The following CAPN8 variants were observed in gnomAD, a reference collection of about 807,000 sequenced individuals.
CAPN8 encodes calpain 8, also known as calpain-8.
In CAPN8, 87 loss-of-function variants were observed where a neutral mutation model predicts 80.9. That is an observed-to-expected ratio of 1.07 (90% CI 0.90 to 1.28). CAPN8 has a LOEUF of 1.28. Ranked by LOEUF, CAPN8 falls within the 50% of genes most tolerant of loss-of-function variation. The pLI is 0.00. For synonymous variants in CAPN8, 299 were observed against 273.8 expected (o/e 1.09, Z -0.91); for missense variants, 757 against 702.0 (o/e 1.08, Z -0.89).
intron 5 of CAPN8, among the ~76,000 whole-genome samples, chr1:223,626,623 A>T (rs1433577070): frequency 2.6e-5 from 4 of 152,186 alleles, no homozygotes; most frequent in African/African-American, 9.6e-5. Flanking sequence ...ATCATCAATC[A>T]TCACATTTGT....
At chr1:223,644,624 C>A (rs1558353725) in intron 2 of CAPN8, among the ~76,000 whole-genome samples, 2 of 152,094 alleles carry the variant, frequency 1.3e-5, no homozygotes, top group African/African-American at 2.4e-5. Flanking sequence ...GTAAAGAAAC[C>A]AGAGCAGGGT....
intron 7 of CAPN8, 152 bp downstream of exon 7, chr1:223,622,663 C>A (rs750264867): frequency 3.1e-6 from 2 of 638,366 alleles, no homozygotes; most frequent in East Asian, 5.6e-5. Context: ...CAGCCTGGAT[C>A]CATTTAATAC....
chr1:223,612,512 T>C (rs1657057701), intron 10 of CAPN8, among the ~76,000 whole-genome samples: 2 of 152,076 alleles, frequency 1.3e-5, no homozygotes, highest in African/African-American at 4.8e-5. Context: ...TTTCTTATTT[T>C]CTAGTTGTAG....
At chr1:223,558,690 A>C (rs1159272950) in intron 12 of CAPN8, among the ~76,000 whole-genome samples, 1 of 151,422 alleles carries the variant, frequency 6.6e-6, no homozygotes, top group Non-Finnish European at 1.5e-5. Context: ...CGGTATGTAC[A>C]TGGTGTGTGT....
intron 13 of CAPN8, among the ~76,000 whole-genome samples, chr1:223,557,577 T>G (rs1372957027): frequency 6.6e-6 from 1 of 151,982 alleles, no homozygotes; most frequent in Non-Finnish European, 1.5e-5. Context: ...ATAAAGGGAG[T>G]GAGGTGGTGA....
intron 2 of CAPN8, among the ~76,000 whole-genome samples, chr1:223,630,239 CCTCT>C (rs373121003): frequency 1.3e-5 from 2 of 150,760 alleles, no homozygotes; most frequent in African/African-American, 2.4e-5. Flanking sequence ...TTAATTAATT[CCTCT>C]CTCTCTCTCT....
At chr1:223,544,303 C>A in intron 18 of CAPN8, 120 bp from the exon 19 acceptor site, 1 of 637,648 alleles carries the variant, frequency 1.6e-6, no homozygotes, top group South Asian at 1.8e-5. Flanking sequence ...ATCTGCAAAC[C>A]AGGCCTGACT....
chr1:223,665,109 C>A (rs1658749309), intron 1 of CAPN8, among the ~76,000 whole-genome samples: 1 of 151,686 alleles, frequency 6.6e-6, no homozygotes. Flanking sequence ...CAAAATTAGC[C>A]AGACATGGTG....
intron 1 of CAPN8, among the ~76,000 whole-genome samples, chr1:223,657,038 A>C (rs2102738178): frequency 6.6e-6 from 1 of 152,284 alleles, no homozygotes; most frequent in East Asian, 1.9e-4. Context: ...GGACATAGAG[A>C]GCTTTGTAAC....
chr1:223,541,733 C>CGGTT lies in CAPN8; in HGVS notation c.*102_*103insAACC, dbSNP rs1656467190. The stretch of plus-strand genomic sequence containing the variant: ...CCAGGGCAAGAAAGGTATGAACAAC[C>CGGTT]AGTGAATGCCACTGGAGCATAAATG... On this transcript the variant is annotated 3_prime_UTR_variant, in exon 21 of 21. Coordinates refer to ENST00000366872, the MANE Select transcript of CAPN8 (RefSeq NM_001143962.2). 6.6e-7 allele frequency: 1 copy of CGGTT among 1,526,320 alleles called. No homozygotes were observed. The allele number at this position is 1,526,320 out of a possible 1,614,324, so 94.5% of individuals were successfully genotyped here. A position where few individuals can be genotyped will look rare whatever the true frequency, so the allele number is the denominator to read the frequency against.
intron 11 of CAPN8, 84 bp from the exon 12 acceptor site, chr1:223,609,448 T>C (rs1326492041): frequency 2.5e-6 from 1 of 398,100 alleles, no homozygotes; most frequent in Non-Finnish European, 4.4e-6. Flanking sequence ...TGTGCTGATT[T>C]AGGAATTATT....
intron 10 of CAPN8, among the ~76,000 whole-genome samples, chr1:223,613,863 T>C (rs34486763): frequency 0.76 from 116,005 of 152,194 alleles, 45,338 homozygotes; most frequent in African/African-American, 0.94. Context: ...CCCAGCTACT[T>C]CTGATACCCT....
intron 2 of CAPN8, among the ~76,000 whole-genome samples, chr1:223,630,284 C>G (rs1657735714): frequency 7.0e-6 from 1 of 142,856 alleles, no homozygotes; most frequent in Non-Finnish European, 1.5e-5. Context: ...GTCTCTCTCT[C>G]TCTCCCGCTC....
intron 2 of CAPN8, among the ~76,000 whole-genome samples, chr1:223,637,951 T>C (rs1657947183): frequency 6.6e-6 from 1 of 152,348 alleles, no homozygotes; most frequent in Admixed American, 6.5e-5. Flanking sequence ...CAAGATCATC[T>C]GATACTGAGC....
At position 223,627,058 on chromosome 1, in the gene CAPN8, TG is replaced by T; in HGVS notation, c.659del (p.Pro220HisfsTer53). ...GISEFYDLKK[P>X]PANLYQIIRK... Reference sequence around the variant, plus strand: ...GGATGATCTGATATAGATTGGCTGGTGGTTTCTTCAGGTCATAAAACTCAGA... The same window carrying T: ...GGATGATCTGATATAGATTGGCTGGTGTTTCTTCAGGTCATAAAACTCAGA... On this transcript the variant is annotated frameshift_variant, in exon 5 of 21. Coordinates refer to ENST00000366872, the MANE Select transcript of CAPN8 (RefSeq NM_001143962.2). LOFTEE classifies it high-confidence loss of function. The T allele has an allele frequency of 6.4e-7, 1 of 1,551,508 alleles. No individual in the cohort carries two copies. The highest frequency in any genetic ancestry group is 8.7e-7 in the Non-Finnish European group (1 of 1,146,986).
Position 223,544,867 on chromosome 1 carries a change from A to T in CAPN8, c.1834-17T>A, listed in dbSNP as rs1007260541. 1.3e-6 allele frequency: 2 copies of T among 1,551,480 alleles called. No individual in the cohort carries two copies. Among genetic ancestry groups the T allele is most frequent in the African/African-American group, 2.7e-5 (2 of 73,054 alleles). On this transcript the variant is annotated splice_polypyrimidine_tract_variant and intron_variant, in intron 17 of 20. Coordinates refer to ENST00000366872, the MANE Select transcript of CAPN8 (RefSeq NM_001143962.2). ...ATAGATCTCCTAAAGCAGGAAAGAAATCCCAAGTAGAAAACAACCATTCAC... is the reference window on the plus strand; with the variant it reads ...ATAGATCTCCTAAAGCAGGAAAGAATTCCCAAGTAGAAAACAACCATTCAC...
intron 7 of CAPN8, among the ~76,000 whole-genome samples, chr1:223,621,299 T>C (rs1657383973): frequency 6.6e-6 from 1 of 151,416 alleles, no homozygotes; most frequent in Admixed American, 6.6e-5. Context: ...AGCTTAGGGA[T>C]GTTGCCTTAG....
intron 5 of CAPN8, among the ~76,000 whole-genome samples, chr1:223,626,649 G>A (rs1239276000): frequency 6.6e-6 from 1 of 152,128 alleles, no homozygotes; most frequent in Non-Finnish European, 1.5e-5. Context: ...AAAACCTCAA[G>A]ATTATTTAGC....
chr1:223,631,757 A>C lies in CAPN8; in HGVS notation c.308-2977T>G, dbSNP rs74354322. 1.4e-4 allele frequency among the ~76,000 whole-genome samples: 22 copies of C among 152,358 alleles called. No homozygotes were observed. In the East Asian group the frequency reaches 4.2e-3, roughly 29 times the overall value. On this transcript the variant is annotated intron_variant, in intron 2 of 20. Coordinates refer to ENST00000366872, the MANE Select transcript of CAPN8 (RefSeq NM_001143962.2). ...ATCTGCATCAAACCTGACAGATTTC[A>C]CTTTCACCAGCATCAGGCAGAGGGA...
Sources: gnomAD v4.1 joint callset for allele counts (sites outside exome capture counted in the v4.1 genomes callset) on GRCh38, gnomAD v4.1.1 for gene constraint, MANE v1.5 for transcripts, NCBI Gene and HGNC (gene_info 2026-07-23, HGNC 2026-07-21) for gene names.